CLUH: variants seen among roughly 807,000 people sequenced by gnomAD.
CLUH encodes clustered mitochondria protein homolog.
Under a neutral mutation model 139.3 loss-of-function variants are expected in CLUH, and 77 were observed. That is an observed-to-expected ratio of 0.55 (90% CI 0.46 to 0.67). CLUH has a LOEUF of 0.67. CLUH is among the 30% of genes least tolerant of loss of function. CLUH has a pLI of 0.00. For missense variants in CLUH, 1,876 were observed against 1,875.8 expected (o/e 1.00, Z 0.00); for synonymous variants, 999 against 801.6 (o/e 1.25, Z -4.16).
intron 1 of CLUH, chr17:2,708,005 C>A (rs891202278): frequency 7.1e-6 from 7 of 985,206 alleles, no homozygotes; most frequent in Non-Finnish European, 7.2e-6. Context: ...CCCGGCTCTG[C>A]CAGGAGGGAA....
At position 2,697,356 on chromosome 17, in the gene CLUH, G is replaced by A. The variant is rs2069991356; in HGVS notation, c.1962-414C>T. ...AGAGGTTGCGGTGAGCCGGGATCGTGCCATTGCACTCCAGCCTAGGCGACA... is the reference window on the plus strand; with the variant it reads ...AGAGGTTGCGGTGAGCCGGGATCGTACCATTGCACTCCAGCCTAGGCGACA... On this transcript the variant is annotated intron_variant, in intron 10 of 25. Transcript: ENST00000651024. Among the ~76,000 whole-genome samples, 4 of 151,314 alleles carry A rather than the reference G, an allele frequency of 2.6e-5. No homozygotes were observed. The South Asian group carries it at 8.3e-4, about 31-fold the overall frequency.
At chr17:2,691,938 CG>C in intron 23 of CLUH, 43 bp from the exon 24 acceptor site, 9 of 1,066,444 alleles carry the variant, frequency 8.4e-6, no homozygotes, top group Non-Finnish European at 1.1e-5. Context: ...CGTGCCCCCG[CG>C]GCCCCGCCCC....
rs767651744 is a variant in CLUH, at chr17:2,691,979, CCCCCGCCACG to C, written c.3654+15_3654+24del. On this transcript the variant is annotated intron_variant, in intron 23 of 25. Coordinates refer to ENST00000651024, the MANE Select transcript of CLUH (RefSeq NM_001366661.1). ...CCGCCACGCCCCCGCCCCGCCCCCGCCCCCGCCACGCCCCCGCCGCGCACCTGCGTCTTGT... is the reference window on the plus strand; with the variant it reads ...CCGCCACGCCCCCGCCCCGCCCCCGCCCCCCGCCGCGCACCTGCGTCTTGT... 5 of 709,426 alleles carry C rather than the reference CCCCCGCCACG, an allele frequency of 7.0e-6. No individual in the cohort carries two copies. In the South Asian group the frequency reaches 1.4e-4, roughly 20 times the overall value. The allele number at this position is 709,426 out of a possible 1,614,324, so 43.9% of individuals were successfully genotyped here. A position where few individuals can be genotyped will look rare whatever the true frequency, so the allele number is the denominator to read the frequency against.
intron 9 of CLUH, among the ~76,000 whole-genome samples, chr17:2,700,059 G>A (rs75689583): frequency 2.6e-5 from 4 of 152,326 alleles, no homozygotes; most frequent in Admixed American, 6.5e-5. Flanking sequence ...GGCCATGGCC[G>A]GCCAGTGCTC....
At chr17:2,705,592 C>T (rs2070328010) in intron 1 of CLUH, among the ~76,000 whole-genome samples, 1 of 152,166 alleles carries the variant, frequency 6.6e-6, no homozygotes, top group Admixed American at 6.5e-5. Flanking sequence ...TAAACCTTTT[C>T]CACAGCCTGC....
intron 9 of CLUH, among the ~76,000 whole-genome samples, chr17:2,698,983 G>A (rs953980742): frequency 6.6e-6 from 1 of 152,138 alleles, no homozygotes; most frequent in Non-Finnish European, 1.5e-5. Context: ...GGAGGTGGAG[G>A]TTACAGTGAG....
At chr17:2,693,603 G>A (rs2069805230) in intron 19 of CLUH, among the ~76,000 whole-genome samples, 2 of 142,550 alleles carry the variant, frequency 1.4e-5, no homozygotes, top group South Asian at 4.5e-4. Flanking sequence ...GAGGACGTGG[G>A]AGCTCGGTGG....
At chr17:2,710,232 C>G (rs1455239255) in intron 1 of CLUH, among the ~76,000 whole-genome samples, 1 of 152,244 alleles carries the variant, frequency 6.6e-6, no homozygotes, top group Non-Finnish European at 1.5e-5. Context: ...CCAACCTCCT[C>G]TCATCCAGCC....
At chr17:2,694,740 C>G (rs895872367) in intron 16 of CLUH, 117 bp downstream of exon 16, 1 of 1,400,798 alleles carries the variant, frequency 7.1e-7, no homozygotes. Flanking sequence ...CAGCTGCTCC[C>G]TCTTCTCTCT....
intron 23 of CLUH, 53 bp downstream of exon 23, chr17:2,691,951 G>GCCCCGCCACGC (rs1555529432): frequency 4.6e-5 from 50 of 1,098,780 alleles, no homozygotes; most frequent in African/African-American, 2.3e-4. Flanking sequence ...CCCCGCCCCC[G>GCCCCGCCACGC]CCCCGCCACG....
intron 1 of CLUH, among the ~76,000 whole-genome samples, chr17:2,709,394 G>C (rs2070445308): frequency 6.6e-6 from 1 of 152,166 alleles, no homozygotes; most frequent in South Asian, 2.1e-4. Context: ...ACCCAGGCCA[G>C]AGGCAGGCGT....
At position 2,706,733 on chromosome 17, in the gene CLUH, C is replaced by T. The variant is rs1418911728; in HGVS notation, c.101-2169G>A. Among the ~76,000 whole-genome samples the T allele has an allele frequency of 6.6e-6, 1 of 152,118 alleles. No individual in the cohort carries two copies. The highest frequency in any genetic ancestry group is 2.4e-5 in the African/African-American group (1 of 41,392). The stretch of plus-strand genomic sequence containing the variant: ...GGCAGCCAGGTGGAGGAACTGCCCC[C>T]ACAGGGTCCCTGAGAAAGGCTGTGC... On this transcript the variant is annotated intron_variant, in intron 1 of 25. Transcript: ENST00000651024. The surrounding 1 kb of genome is among the most constrained non-coding windows in gnomAD (Gnocchi z 4.6).
Position 2,691,984 on chromosome 17 carries a change from GCCACGCCCCCGCCGCGCA to G in CLUH, c.3654+2_3654+19del. The G allele has an allele frequency of 2.1e-6, 1 of 486,934 alleles. No homozygotes were observed. The highest frequency in any genetic ancestry group is 2.4e-6 in the Non-Finnish European group (1 of 411,292). 30.2% of individuals were successfully genotyped at this position (486,934 alleles called of 1,614,324 possible). A position where few individuals can be genotyped will look rare whatever the true frequency, so the allele number is the denominator to read the frequency against. Reference sequence around the variant, plus strand: ...ACGCCCCCGCCCCGCCCCCGCCCCCGCCACGCCCCCGCCGCGCACCTGCGTCTTGTAGATGGTGTAACC... The same window carrying G: ...ACGCCCCCGCCCCGCCCCCGCCCCCGCCTGCGTCTTGTAGATGGTGTAACC... On this transcript the variant is annotated splice_donor_variant and splice_donor_5th_base_variant and intron_variant, in intron 23 of 25. Coordinates refer to ENST00000651024, the MANE Select transcript of CLUH (RefSeq NM_001366661.1). LOFTEE classifies it high-confidence loss of function.
intron 9 of CLUH, 41 bp from the exon 10 acceptor site, chr17:2,698,631 A>G (rs773138605): frequency 6.7e-7 from 1 of 1,499,160 alleles, no homozygotes; most frequent in Non-Finnish European, 8.9e-7. Flanking sequence ...GGCCGCGCCC[A>G]CAAGAGCCTG....
In CLUH at chr17:2,692,375, G is replaced by T; in HGVS notation, c.3546C>A (p.Leu1182=). 6.3e-7 allele frequency: 1 copy of T among 1,586,914 alleles called. No individual in the cohort carries two copies. Among genetic ancestry groups the T allele is most frequent in the Non-Finnish European group, 8.5e-7 (1 of 1,174,054 alleles). Residue 1182 remains leucine, a synonymous_variant, in exon 22 of 26, where the codon CTC becomes CTA. Coordinates refer to ENST00000651024, the MANE Select transcript of CLUH (RefSeq NM_001366661.1). Reference sequence around the variant, plus strand: ...CGGCCCCTCACCTGAGGGCCACCTTGAGGGCCTTGGGCCCGTGGTACTTGG... The same window carrying T: ...CGGCCCCTCACCTGAGGGCCACCTTTAGGGCCTTGGGCCCGTGGTACTTGG... ...VSTKYHGPKA[L]KVALSHHLVA...
Position 2,703,540 on chromosome 17 carries a change from G to C in CLUH, c.304-51C>G. 1.3e-6 allele frequency: 2 copies of C among 1,583,906 alleles called. No individual in the cohort carries two copies. Among genetic ancestry groups the C allele is most frequent in the East Asian group, 2.2e-5 (1 of 44,454 alleles). Reference sequence around the variant, plus strand: ...CCGGTGAGAGAGCACGTAGCGGGGAGAGAAGGCCCCAACCGCCCCGGTGAG... The same window carrying C: ...CCGGTGAGAGAGCACGTAGCGGGGACAGAAGGCCCCAACCGCCCCGGTGAG... On this transcript the variant is annotated intron_variant, in intron 2 of 25. Coordinates refer to ENST00000651024, the MANE Select transcript of CLUH (RefSeq NM_001366661.1). The surrounding 1 kb of genome is among the most constrained non-coding windows in gnomAD (Gnocchi z 4.2).
In CLUH at chr17:2,703,910, C is replaced by T. The variant is rs777636485; in HGVS notation, c.304-421G>A. On this transcript the variant is annotated intron_variant, in intron 2 of 25. Transcript: ENST00000651024. This position sits in a 1 kb window ranked among gnomAD's most constrained non-coding sequence, Gnocchi z 4.2. Reference sequence around the variant, plus strand: ...CTCTGGGGCCCAAGCCTGCGGGTGCCGAGACATACGACGACCCTGTCTCGT... The same window carrying T: ...CTCTGGGGCCCAAGCCTGCGGGTGCTGAGACATACGACGACCCTGTCTCGT... 2.6e-5 allele frequency among the ~76,000 whole-genome samples: 4 copies of T among 152,166 alleles called. No individual in the cohort carries two copies. The highest frequency in any genetic ancestry group is 6.5e-5 in the Admixed American group (1 of 15,278).
rs1212322855 is a variant in CLUH, at chr17:2,706,444, C to T, written c.101-1880G>A. ...CTCCTGCAGCCCGCACCCTACGCCG[C>T]GGCACTCCCTCAACTCTGGCCACTG... On this transcript the variant is annotated intron_variant, in intron 1 of 25. Coordinates refer to ENST00000651024, the MANE Select transcript of CLUH (RefSeq NM_001366661.1). This position sits in a 1 kb window ranked among gnomAD's most constrained non-coding sequence, Gnocchi z 4.6. Among the ~76,000 whole-genome samples the T allele has an allele frequency of 6.6e-6, 1 of 152,092 alleles. No homozygotes were observed. The highest frequency in any genetic ancestry group is 1.5e-5 in the Non-Finnish European group (1 of 68,012).
rs369982088 is a variant in CLUH, at chr17:2,695,201, G to C, written c.2607+17C>G. On this transcript the variant is annotated intron_variant, in intron 15 of 25. Coordinates refer to ENST00000651024, the MANE Select transcript of CLUH (RefSeq NM_001366661.1). ...CCCTGGGAGGCCATGGCCAGCCGCA[G>C]AGCGGACGGGTGGCACCTGTAAGTA... 2 of 1,613,762 alleles carry C rather than the reference G, an allele frequency of 1.2e-6. No individual in the cohort carries two copies. The highest frequency in any genetic ancestry group is 8.5e-7 in the Non-Finnish European group (1 of 1,179,858).
Sources: allele counts gnomAD v4.1 joint callset (sites outside exome capture counted in the v4.1 genomes callset), GRCh38; gene constraint gnomAD v4.1.1; non-coding constraint Gnocchi (gnomAD v3.1); transcripts MANE v1.5; gene names NCBI Gene and HGNC (gene_info 2026-07-23, HGNC 2026-07-21).